LRRFIP2: variants seen among roughly 807,000 people sequenced by gnomAD.
The protein encoded by LRRFIP2 is leucine-rich repeat flightless-interacting protein 2.
A neutral mutation model predicts 125.9 loss-of-function variants in LRRFIP2; 109 were observed. The ratio of observed to expected loss-of-function variants is 0.87; its 90% confidence interval spans 0.74 to 1.01. The LOEUF (loss-of-function observed/expected upper bound fraction) is 1.01, where lower values mean the gene tolerates loss of function less well. LRRFIP2 is among the 50% of genes least tolerant of loss of function. The pLI is 0.00. For missense variants in LRRFIP2, 850 were observed against 862.3 expected (o/e 0.99, Z 0.18); for synonymous variants, 291 against 293.1 (o/e 0.99, Z 0.07).
intron 24 of LRRFIP2, among the ~76,000 whole-genome samples, chr3:37,061,459 G>A (rs984442493): frequency 6.7e-5 from 10 of 148,826 alleles, no homozygotes; most frequent in Non-Finnish European, 3.0e-5. Context: ...AGGCTGGAGT[G>A]CAGTGGCGCA....
At chr3:37,100,365 T>C (rs548572421) in intron 15 of LRRFIP2, among the ~76,000 whole-genome samples, 17 of 149,510 alleles carry the variant, frequency 1.1e-4, no homozygotes, top group Non-Finnish European at 1.6e-4. Flanking sequence ...TATATACACA[T>C]ACATACATAC....
chr3:37,148,041 ATT>A (rs1284865155), intron 2 of LRRFIP2, among the ~76,000 whole-genome samples: 1 of 152,212 alleles, frequency 6.6e-6, no homozygotes, highest in Non-Finnish European at 1.5e-5. Context: ...GACATGAAAT[ATT>A]GTTTCCATCA....
chr3:37,059,936 G>A (rs2088085157), intron 24 of LRRFIP2, among the ~76,000 whole-genome samples: 1 of 152,196 alleles, frequency 6.6e-6, no homozygotes, highest in East Asian at 1.9e-4. Context: ...GCTCTATATT[G>A]GGACTAACTC....
rs536295885 is a variant in LRRFIP2, at chr3:37,086,119, C to A, written c.1108-2313G>T. ...AATGGCAAATAAGCACATGAAAACACGCTCAACATCATTAGTCATTAGGAA... is the reference window on the plus strand; with the variant it reads ...AATGGCAAATAAGCACATGAAAACAAGCTCAACATCATTAGTCATTAGGAA... On this transcript the variant is annotated intron_variant, in intron 18 of 27. Transcript: ENST00000336686. Among the ~76,000 whole-genome samples the A allele has an allele frequency of 2.6e-5, 4 of 152,256 alleles. No homozygotes were observed. In the South Asian group the frequency reaches 8.3e-4, roughly 32 times the overall value.
At chr3:37,130,445 G>A (rs1052400278) in intron 2 of LRRFIP2, among the ~76,000 whole-genome samples, 1 of 152,186 alleles carries the variant, frequency 6.6e-6, no homozygotes, top group African/African-American at 2.4e-5. Flanking sequence ...GGGAGGAACA[G>A]AAAGAAGAAA....
At chr3:37,066,003 G>C in intron 22 of LRRFIP2, 61 bp from the exon 23 acceptor site, 1 of 1,602,482 alleles carries the variant, frequency 6.2e-7, no homozygotes, top group Admixed American at 1.7e-5. Context: ...AGCTCTGTGA[G>C]GTCACTCTGC....
intron 18 of LRRFIP2, among the ~76,000 whole-genome samples, chr3:37,088,761 C>T (rs889569878): frequency 6.6e-6 from 1 of 151,966 alleles, no homozygotes; most frequent in African/African-American, 2.4e-5. Context: ...TGTGTCACTA[C>T]ACTCCAGCTT....
chr3:37,114,573 A>T (rs1428428776), intron 7 of LRRFIP2, among the ~76,000 whole-genome samples: 1 of 152,154 alleles, frequency 6.6e-6, no homozygotes, highest in African/African-American at 2.4e-5. Context: ...ACTTGAGACC[A>T]AAAGTTCGAG....
intron 1 of LRRFIP2, among the ~76,000 whole-genome samples, chr3:37,149,252 A>C (rs1381050242): frequency 6.6e-6 from 1 of 152,204 alleles, no homozygotes; most frequent in East Asian, 1.9e-4. Context: ...TGTGTATTAT[A>C]ATATTAGCCT....
chr3:37,154,714 A>C (rs2096130819), intron 1 of LRRFIP2: 1 of 152,240 alleles, frequency 6.6e-6, no homozygotes, highest in South Asian at 2.1e-4. Context: ...AGCTTCTCAT[A>C]TAATATACGT....
chr3:37,165,586 T>C (rs1336049786), intron 1 of LRRFIP2, among the ~76,000 whole-genome samples: 1 of 151,724 alleles, frequency 6.6e-6, no homozygotes, highest in Non-Finnish European at 1.5e-5. Flanking sequence ...ACCCTGTCTC[T>C]ACTAAAAATA....
intron 2 of LRRFIP2, among the ~76,000 whole-genome samples, chr3:37,137,370 C>A (rs145319004): frequency 1.8e-4 from 28 of 152,244 alleles, no homozygotes; most frequent in Non-Finnish European, 3.7e-4. Flanking sequence ...GAGCTGAGAT[C>A]TACATCCTAA....
At chr3:37,097,159 A>G (rs2093759504) in intron 15 of LRRFIP2, among the ~76,000 whole-genome samples, 1 of 151,862 alleles carries the variant, frequency 6.6e-6, no homozygotes, top group Non-Finnish European at 1.5e-5. Context: ...CCCCACATCA[A>G]GGATTTTTTG....
chr3:37,107,277 C>A (rs1431598824), intron 13 of LRRFIP2, among the ~76,000 whole-genome samples: 2 of 152,094 alleles, frequency 1.3e-5, no homozygotes, highest in African/African-American at 4.8e-5. Context: ...TAATATGAAA[C>A]TACCTCTAAG....
intron 4 of LRRFIP2, among the ~76,000 whole-genome samples, chr3:37,126,861 A>G (rs952957455): frequency 2.2e-5 from 3 of 138,498 alleles, no homozygotes; most frequent in African/African-American, 5.2e-5. Context: ...CTCCATCTCA[A>G]AAAAAAAAAA....
At chr3:37,169,112 A>AG (rs1451627498) in intron 1 of LRRFIP2, among the ~76,000 whole-genome samples, 1 of 152,200 alleles carries the variant, frequency 6.6e-6, no homozygotes, top group Non-Finnish European at 1.5e-5. Flanking sequence ...CTAGGTGTGT[A>AG]GTAGGCTATA....
chr3:37,070,558 A>G (rs1180754164), intron 21 of LRRFIP2, among the ~76,000 whole-genome samples: 1 of 151,896 alleles, frequency 6.6e-6, no homozygotes, highest in African/African-American at 2.4e-5. Context: ...CAACATGGTG[A>G]AACCCCATCT....
At chr3:37,126,092 A>C (rs886927652) in intron 4 of LRRFIP2, among the ~76,000 whole-genome samples, 5 of 152,120 alleles carry the variant, frequency 3.3e-5, no homozygotes, top group African/African-American at 1.2e-4. Context: ...GCAGTGGCAC[A>C]ATCTTGGCTT....
At chr3:37,120,153 G>GCTC (rs958822497) in intron 6 of LRRFIP2, among the ~76,000 whole-genome samples, 1 of 147,540 alleles carries the variant, frequency 6.8e-6, no homozygotes, top group Non-Finnish European at 1.5e-5. Context: ...TGTTGCCTAG[G>GCTC]CTGGAGTGCA....
Sources: gnomAD v4.1 joint callset for allele counts (sites outside exome capture counted in the v4.1 genomes callset) on GRCh38, gnomAD v4.1.1 for gene constraint, MANE v1.5 for transcripts, NCBI Gene and HGNC (gene_info 2026-07-23, HGNC 2026-07-21) for gene names.